FAM110B: variants seen among roughly 807,000 people sequenced by gnomAD.
FAM110B encodes family with sequence similarity 110 member B.
A neutral mutation model predicts 20.4 loss-of-function variants in FAM110B; 6 were observed. That is an observed-to-expected ratio of 0.29 (90% CI 0.16 to 0.58). FAM110B has a LOEUF of 0.58. Ranked by LOEUF, FAM110B falls within the 20% of genes least tolerant of loss-of-function variation. FAM110B has a pLI of 0.90. For synonymous variants in FAM110B, 226 were observed against 214.1 expected (o/e 1.06, Z -0.49); for missense variants, 434 against 498.2 (o/e 0.87, Z 1.23).
At chr8:58,110,392 G>T (rs1185795745) in intron 3 of FAM110B, among the ~76,000 whole-genome samples, 1 of 152,138 alleles carries the variant, frequency 6.6e-6, no homozygotes, top group Non-Finnish European at 1.5e-5. Flanking sequence ...AGAAAGGAAA[G>T]AAACCGATTA....
At chr8:58,098,194 G>C (rs1374258340) in intron 3 of FAM110B, among the ~76,000 whole-genome samples, 1 of 152,222 alleles carries the variant, frequency 6.6e-6, no homozygotes, top group Non-Finnish European at 1.5e-5. Flanking sequence ...AGTTTTATCT[G>C]TAAGCCCCTG....
chr8:58,097,610 G>T (rs1295745592), intron 3 of FAM110B, among the ~76,000 whole-genome samples: 1 of 152,100 alleles, frequency 6.6e-6, no homozygotes, highest in East Asian at 1.9e-4. Flanking sequence ...GTGATCCTTT[G>T]GAGGAGAAGA....
chr8:58,033,586 C>T (rs76087770), intron 2 of FAM110B, among the ~76,000 whole-genome samples: 4,275 of 151,880 alleles, frequency 0.028, 197 homozygotes, highest in African/African-American at 0.097. Flanking sequence ...CAAATAGCCC[C>T]GGTAAAAAGT....
At chr8:58,117,934 G>A (rs145018952) in intron 3 of FAM110B, among the ~76,000 whole-genome samples, 148 of 152,248 alleles carry the variant, frequency 9.7e-4, no homozygotes, top group African/African-American at 3.4e-3. Context: ...AAGACAGCAT[G>A]TTTAAAATTA....
At chr8:58,070,097 A>G (rs1585859467) in intron 2 of FAM110B, 1 of 152,202 alleles carries the variant, frequency 6.6e-6, no homozygotes, top group Admixed American at 6.5e-5. Context: ...AACGCCGGTG[A>G]CAGCCTGTGT....
At chr8:58,041,311 C>T (rs958462011) in intron 2 of FAM110B, among the ~76,000 whole-genome samples, 2 of 152,146 alleles carry the variant, frequency 1.3e-5, no homozygotes, top group Admixed American at 1.3e-4. Context: ...GAACATTAGT[C>T]GCAGTGTTCG....
intron 2 of FAM110B, among the ~76,000 whole-genome samples, chr8:58,038,706 C>T (rs1023665732): frequency 7.2e-5 from 11 of 151,858 alleles, no homozygotes; most frequent in African/African-American, 2.7e-4. Flanking sequence ...GAGCCAAAAT[C>T]GCATCACTGT....
At chr8:58,024,988 C>T (rs1421781866) in intron 1 of FAM110B, among the ~76,000 whole-genome samples, 1 of 152,188 alleles carries the variant, frequency 6.6e-6, no homozygotes, top group Admixed American at 6.5e-5. Flanking sequence ...ACTATATCTG[C>T]TGCATAACCC....
chr8:58,047,597 T>C (rs796519644), intron 2 of FAM110B, among the ~76,000 whole-genome samples: 10 of 120,712 alleles, frequency 8.3e-5, no homozygotes, highest in African/African-American at 4.5e-4. Flanking sequence ...TTTTCCTCTC[T>C]CTCTCTCTCT....
chr8:58,119,694 C>A (rs1397768925), intron 3 of FAM110B, among the ~76,000 whole-genome samples: 5 of 152,156 alleles, frequency 3.3e-5, no homozygotes, highest in Non-Finnish European at 7.3e-5. Context: ...AGCTTTAGTT[C>A]TTCCCACTGA....
At chr8:58,105,213 A>T (rs1398852574) in intron 3 of FAM110B, among the ~76,000 whole-genome samples, 1 of 152,056 alleles carries the variant, frequency 6.6e-6, no homozygotes, top group Non-Finnish European at 1.5e-5. Flanking sequence ...CTGAAGCTGG[A>T]TACACGCAGG....
Position 58,124,353 on chromosome 8 carries a change from G to A in FAM110B, c.-324-21554G>A, listed in dbSNP as rs375718588. Among the ~76,000 whole-genome samples the A allele has an allele frequency of 1.1e-4, 16 of 152,318 alleles. 1 individual carries two copies. The East Asian group carries it at 1.2e-3, about 11-fold the overall frequency. On this transcript the variant is annotated intron_variant, in intron 3 of 3. Transcript: ENST00000519262. ...AAAGCACAGCAGACCATTGCTAAGA[G>A]GAGTTGTAGTGGATCAATTCTTGGG...
intron 3 of FAM110B, among the ~76,000 whole-genome samples, chr8:58,136,545 T>C (rs998877988): frequency 6.6e-6 from 1 of 152,200 alleles, no homozygotes; most frequent in Admixed American, 6.5e-5. Context: ...GGAATTCTAG[T>C]GGCCCTGCTT....
At chr8:58,101,454 C>T (rs1015322514) in intron 3 of FAM110B, among the ~76,000 whole-genome samples, 7 of 152,170 alleles carry the variant, frequency 4.6e-5, no homozygotes, top group African/African-American at 1.7e-4. Context: ...CGTTTTTAAA[C>T]TTATGCCAGC....
At chr8:58,023,812 T>G (rs1409268848) in intron 1 of FAM110B, among the ~76,000 whole-genome samples, 1 of 152,234 alleles carries the variant, frequency 6.6e-6, no homozygotes, top group Non-Finnish European at 1.5e-5. Context: ...CAGTCAGTAA[T>G]GTGCTAGCTT....
chr8:58,052,287 A>G (rs1250200654), intron 2 of FAM110B, among the ~76,000 whole-genome samples: 1 of 152,206 alleles, frequency 6.6e-6, no homozygotes, highest in Non-Finnish European at 1.5e-5. Flanking sequence ...GATAACATTT[A>G]ATTTCATCCT....
intron 1 of FAM110B, among the ~76,000 whole-genome samples, chr8:58,022,196 A>G (rs148020550): frequency 1.3e-5 from 2 of 152,368 alleles, no homozygotes; most frequent in African/African-American, 4.8e-5. Context: ...TGAAAGCTAA[A>G]TGTCCCTTGA....
At chr8:58,019,441 G>A (rs1019002258) in intron 1 of FAM110B, among the ~76,000 whole-genome samples, 17 of 151,398 alleles carry the variant, frequency 1.1e-4, no homozygotes, top group African/African-American at 4.1e-4. Context: ...GCCATTTCTT[G>A]TGTGCTTCAT....
At chr8:58,132,593 A>G (rs1372809559) in intron 3 of FAM110B, among the ~76,000 whole-genome samples, 1 of 152,120 alleles carries the variant, frequency 6.6e-6, no homozygotes, top group East Asian at 1.9e-4. Flanking sequence ...CTGCTTCCCC[A>G]TCTGTCAAGT....
Sources: allele counts gnomAD v4.1 joint callset (sites outside exome capture counted in the v4.1 genomes callset), GRCh38; gene constraint gnomAD v4.1.1; transcripts MANE v1.5; gene names NCBI Gene and HGNC (gene_info 2026-07-23, HGNC 2026-07-21).